Variants in KCTD16 observed in about 807,000 individuals in gnomAD.
KCTD16 encodes the protein BTB/POZ domain-containing protein KCTD16.
Under a neutral mutation model 33.2 loss-of-function variants are expected in KCTD16, and 13 were observed. That is an observed-to-expected ratio of 0.39 (90% CI 0.25 to 0.62). KCTD16 has a LOEUF of 0.62. Ranked by LOEUF, KCTD16 falls within the 20% of genes least tolerant of loss-of-function variation. KCTD16 has a pLI of 0.50. For missense variants in KCTD16, 441 were observed against 525.1 expected (o/e 0.84, Z 1.57); for synonymous variants, 197 against 195.3 (o/e 1.01, Z -0.07).
chr5:144,476,930 G>A lies in KCTD16; in HGVS notation c.*2816G>A, dbSNP rs143114630. 1.3e-3 allele frequency: 201 copies of A among 152,212 alleles called. 1 individual carries two copies. The highest frequency in any genetic ancestry group is 4.6e-3 in the African/African-American group (191 of 41,542). The allele number at this position is 152,212 out of a possible 1,614,324, so 9.4% of individuals were successfully genotyped here. A position where few individuals can be genotyped will look rare whatever the true frequency, so the allele number is the denominator to read the frequency against. ...TTCTCGAACATTGGTTATGACAAGG[G>A]CCATAAATTGCTAATATAAAGAAGT... is the stretch of plus-strand genomic sequence containing the variant. On this transcript the variant is annotated 3_prime_UTR_variant, in exon 4 of 4. Coordinates refer to ENST00000512467, the MANE Select transcript of KCTD16 (RefSeq NM_020768.4).
chr5:144,462,534 ATT>A (rs146733403), intron 3 of KCTD16, among the ~76,000 whole-genome samples: 10 of 144,438 alleles, frequency 6.9e-5, no homozygotes, highest in African/African-American at 1.5e-4. Flanking sequence ...CAGAGCTATT[ATT>A]TTTTTTTTTG....
chr5:144,186,042 G>GCTTCAGAATCTCTT (rs1158059744), intron 2 of KCTD16, among the ~76,000 whole-genome samples: 2 of 152,124 alleles, frequency 1.3e-5, no homozygotes, highest in African/African-American at 2.4e-5. Context: ...CTCCAAGTGA[G>GCTTCAGAATCTCTT]CTTCAGAATC....
intron 3 of KCTD16, among the ~76,000 whole-genome samples, chr5:144,304,756 G>A (rs1455584245): frequency 2.0e-5 from 3 of 152,072 alleles, no homozygotes; most frequent in East Asian, 3.9e-4. Context: ...TAGAGAAAAG[G>A]CAAGTGATTG....
intron 3 of KCTD16, among the ~76,000 whole-genome samples, chr5:144,243,921 T>C (rs982561665): frequency 6.6e-6 from 1 of 152,026 alleles, no homozygotes; most frequent in African/African-American, 2.4e-5. Flanking sequence ...TTTTTTTGTA[T>C]TTTAGTAGAG....
At chr5:144,366,561 C>T (rs1751838344) in intron 3 of KCTD16, among the ~76,000 whole-genome samples, 1 of 152,184 alleles carries the variant, frequency 6.6e-6, no homozygotes, top group East Asian at 1.9e-4. Flanking sequence ...TTTGCTAACT[C>T]TATGTTTGCA....
At chr5:144,186,724 T>A (rs1270244016) in intron 2 of KCTD16, among the ~76,000 whole-genome samples, 1 of 152,198 alleles carries the variant, frequency 6.6e-6, no homozygotes, top group Non-Finnish European at 1.5e-5. Flanking sequence ...AGTTTTAATA[T>A]TACCAAACTG....
intron 3 of KCTD16, among the ~76,000 whole-genome samples, chr5:144,257,938 C>T (rs550465109): frequency 2.0e-5 from 3 of 152,176 alleles, no homozygotes; most frequent in East Asian, 3.9e-4. Context: ...GAAGCTTTTT[C>T]GATAAGTTAT....
intron 2 of KCTD16, among the ~76,000 whole-genome samples, chr5:144,202,501 A>G (rs1753065049): frequency 6.6e-6 from 1 of 152,144 alleles, no homozygotes; most frequent in Non-Finnish European, 1.5e-5. Flanking sequence ...AGATCTGGGG[A>G]TGTTAACCTG....
chr5:144,373,894 G>A (rs946688220), intron 3 of KCTD16, among the ~76,000 whole-genome samples: 3 of 152,184 alleles, frequency 2.0e-5, no homozygotes, highest in African/African-American at 4.8e-5. Context: ...ATGAGCCACA[G>A]GCGTCATGGC....
intron 3 of KCTD16, among the ~76,000 whole-genome samples, chr5:144,461,012 CA>C (rs1212261551): frequency 1.3e-5 from 2 of 152,136 alleles, no homozygotes; most frequent in African/African-American, 4.8e-5. Context: ...GACTCTCTTT[CA>C]AGTGGGATCT....
chr5:144,290,328 A>C (rs560315021), intron 3 of KCTD16, among the ~76,000 whole-genome samples: 1 of 152,224 alleles, frequency 6.6e-6, no homozygotes, highest in East Asian at 1.9e-4. Flanking sequence ...CAACAAAAAA[A>C]CAGTCAATAA....
intron 3 of KCTD16, among the ~76,000 whole-genome samples, chr5:144,341,486 A>C (rs1292055454): frequency 6.6e-6 from 1 of 151,914 alleles, no homozygotes; most frequent in African/African-American, 2.4e-5. Context: ...CTTAGCAAAA[A>C]CCCTCAGATT....
intron 3 of KCTD16, among the ~76,000 whole-genome samples, chr5:144,365,423 TAA>T (rs1165045478): frequency 6.6e-6 from 1 of 151,912 alleles, no homozygotes; most frequent in African/African-American, 2.4e-5. Context: ...CTCAAGTTAG[TAA>T]AAGAGAGAGA....
intron 3 of KCTD16, among the ~76,000 whole-genome samples, chr5:144,254,563 A>T (rs148907624): frequency 3.4e-3 from 516 of 152,234 alleles, no homozygotes; most frequent in African/African-American, 0.012. Context: ...AACAAATTTT[A>T]AGTTTACATT....
rs1754788116 is a variant in KCTD16 at position 144,485,515 on chromosome 5, C to G, written c.*11401C>G. 1 of 151,768 alleles carries G rather than the reference C, an allele frequency of 6.6e-6. No homozygotes were observed. Among genetic ancestry groups the G allele is most frequent in the African/African-American group, 2.4e-5 (1 of 41,346 alleles). The allele number at this position is 151,768 out of a possible 1,614,324, so 9.4% of individuals were successfully genotyped here. ...GTATTGTAAAATTGTATGGTGAAAA[C>G]TACAAAAGTCATTCTGTGGATATAT... On this transcript the variant is annotated 3_prime_UTR_variant, in exon 4 of 4. Coordinates refer to ENST00000512467, the MANE Select transcript of KCTD16 (RefSeq NM_020768.4).
intron 3 of KCTD16, among the ~76,000 whole-genome samples, chr5:144,253,182 C>T (rs771265996): frequency 2.6e-5 from 4 of 152,020 alleles, no homozygotes; most frequent in Admixed American, 6.6e-5. Context: ...TTGTCTTTTC[C>T]CTAGCCCACC....
At chr5:144,431,768 T>C (rs559349161) in intron 3 of KCTD16, among the ~76,000 whole-genome samples, 1 of 152,144 alleles carries the variant, frequency 6.6e-6, no homozygotes, top group Non-Finnish European at 1.5e-5. Context: ...TCCGACACAA[T>C]ACTATGTACA....
At position 144,429,823 on chromosome 5, in the gene KCTD16, G is replaced by A. The variant is rs143462110; in HGVS notation, c.833-43837G>A. On this transcript the variant is annotated intron_variant, in intron 3 of 3. Coordinates refer to ENST00000512467, the MANE Select transcript of KCTD16 (RefSeq NM_020768.4). ...AAGGCAGACAGGAATATACAGTGCC[G>A]CCAAGGAAGTTACATCCTGTCAGGG... 2.0e-3 allele frequency among the ~76,000 whole-genome samples: 304 copies of A among 152,118 alleles called. 2 individuals carry two copies. The highest frequency in any genetic ancestry group is 8.9e-3 in the South Asian group (43 of 4,820).
chr5:144,231,319 C>T (rs1050442796), intron 3 of KCTD16, among the ~76,000 whole-genome samples: 3 of 152,024 alleles, frequency 2.0e-5, no homozygotes, highest in Non-Finnish European at 4.4e-5. Flanking sequence ...ATAGTGAGCA[C>T]ATACTCTCTA....
Sources: allele counts gnomAD v4.1 joint callset (sites outside exome capture counted in the v4.1 genomes callset), GRCh38; gene constraint gnomAD v4.1.1; transcripts MANE v1.5; gene names NCBI Gene and HGNC (gene_info 2026-07-23, HGNC 2026-07-21).